Variants in KLC4 observed in about 807,000 individuals in gnomAD.
KLC4 encodes the protein kinesin light chain 4.
KLC4 carries 49 observed loss-of-function variants against 77.2 expected under a neutral mutation model. The observed-to-expected ratio is 0.63, with a 90% CI of 0.50 to 0.80. The LOEUF (loss-of-function observed/expected upper bound fraction) is 0.80. Among genes scored for constraint, KLC4 ranks in the 30% least tolerant of loss-of-function variants. KLC4 has a pLI of 0.00. For synonymous variants in KLC4, 274 were observed against 314.5 expected (o/e 0.87, Z 1.36); for missense variants, 669 against 793.5 (o/e 0.84, Z 1.89).
chr6:43,072,627 G>A, intron 12 of KLC4, 197 bp from the exon 13 acceptor site: 1 of 599,078 alleles, frequency 1.7e-6, no homozygotes, highest in South Asian at 2.1e-5. Flanking sequence ...ATGGGCCATG[G>A]GGATAAAAAT....
At chr6:43,060,034 A>ACTC (rs1358930015) in intron 1 of KLC4, 1 of 1,412,372 alleles carries the variant, frequency 7.1e-7, no homozygotes. Context: ...AGCCCGAGGC[A>ACTC]CTCCTCTACT....
chr6:43,066,916 C>G, intron 5 of KLC4, 80 bp from the exon 6 acceptor site: 1 of 1,555,166 alleles, frequency 6.4e-7, no homozygotes, highest in Non-Finnish European at 8.7e-7. Flanking sequence ...CTTAAATGTA[C>G]TCAGTCCTTC....
intron 14 of KLC4, 31 bp downstream of exon 14, chr6:43,073,369 G>A (rs1264728484): frequency 2.0e-6 from 3 of 1,529,968 alleles, no homozygotes; most frequent in Non-Finnish European, 2.7e-6. Flanking sequence ...ACAGTAAAGT[G>A]GCCGGGTGCA....
chr6:43,070,933 G>GGC, intron 8 of KLC4, 68 bp downstream of exon 8: 6 of 360,514 alleles, frequency 1.7e-5, no homozygotes, highest in Non-Finnish European at 2.7e-5. Context: ...GGGAGGGGGG[G>GGC]CAGGCGGAGA....
chr6:43,072,065 T>C (rs1765757547), intron 11 of KLC4, 82 bp from the exon 12 acceptor site: 2 of 1,418,974 alleles, frequency 1.4e-6, no homozygotes, highest in East Asian at 2.3e-5. Context: ...TTATTTTTTT[T>C]CCTCTTGTCT....
rs1259217160 is a variant in KLC4 at position 43,071,562 on chromosome 6, C to G, written c.1256-5C>G. 2.5e-6 allele frequency: 4 copies of G among 1,613,114 alleles called. No individual in the cohort carries two copies. The highest frequency in any genetic ancestry group is 3.4e-6 in the Non-Finnish European group (4 of 1,179,682). ...TAACCTCCCCACCCCATGTATCACC[C>G]CTAGATGACCACAAGCCCATCTGGA... is the stretch of plus-strand genomic sequence containing the variant. On this transcript the variant is annotated splice_region_variant and splice_polypyrimidine_tract_variant and intron_variant, in intron 9 of 15. Coordinates refer to ENST00000347162, the MANE Select transcript of KLC4 (RefSeq NM_201521.3).
In KLC4 at chr6:43,061,540, C is replaced by G. The variant is rs267601042; in HGVS notation, c.205C>G (p.Arg69Gly). The G allele has an allele frequency of 6.2e-7, 1 of 1,613,776 alleles. No individual in the cohort carries two copies. The highest frequency in any genetic ancestry group is 1.3e-5 in the African/African-American group (1 of 74,918). Residue 69 changes from arginine (R) to glycine (G), a missense_variant, in exon 2 of 16, where the codon CGG becomes GGG. Transcript: ENST00000347162. The stretch of plus-strand genomic sequence containing the variant: ...GGAAGGGCTGGTGCATGAGAAGGCC[C>G]GGCAGCTTCGCCGTTCTATGGAAAA... The part of the protein sequence containing the change: ...HEEGLVHEKA[R>G]QLRRSMENIE...
chr6:43,072,319 G>C, intron 12 of KLC4, 64 bp downstream of exon 12: 1 of 1,254,486 alleles, frequency 8.0e-7, no homozygotes. Context: ...AGAGTGCCGA[G>C]GTTTCTTGGG....
At position 43,072,981 on chromosome 6, in the gene KLC4, C is replaced by T; in HGVS notation, c.1629+17C>T. 6.4e-7 allele frequency: 1 copy of T among 1,571,082 alleles called. No homozygotes were observed. Among genetic ancestry groups the T allele is most frequent in the South Asian group, 1.2e-5 (1 of 82,890 alleles). On this transcript the variant is annotated intron_variant, in intron 13 of 15. Coordinates refer to ENST00000347162, the MANE Select transcript of KLC4 (RefSeq NM_201521.3). ...TGGTCCGGGGTAAGTCTGATCATTGCCTTTTCATCTCTCCTGCCCACTCCT... is the reference window on the plus strand; with the variant it reads ...TGGTCCGGGGTAAGTCTGATCATTGTCTTTTCATCTCTCCTGCCCACTCCT...
chr6:43,068,139 A>AAAAAAAAT (rs1561916683), intron 6 of KLC4, among the ~76,000 whole-genome samples: 2 of 129,428 alleles, frequency 1.5e-5, no homozygotes, highest in African/African-American at 3.3e-5. Context: ...AAAAAAAAAA[A>AAAAAAAAT]GAAAATATAG....
chr6:43,074,562 G>A, intron 15 of KLC4, 60 bp from the exon 16 acceptor site: 2 of 1,408,436 alleles, frequency 1.4e-6, no homozygotes, highest in Non-Finnish European at 2.0e-6. Context: ...ATGGACTCTA[G>A]GAGCCAGTCT....
At chr6:43,068,628 T>G (rs1178084104) in intron 6 of KLC4, among the ~76,000 whole-genome samples, 2 of 151,374 alleles carry the variant, frequency 1.3e-5, no homozygotes, top group Non-Finnish European at 2.9e-5. Context: ...GCCAACATGG[T>G]AAAACCCCGT....
intron 5 of KLC4, 52 bp downstream of exon 5, chr6:43,066,577 G>C: frequency 2.6e-6 from 4 of 1,517,494 alleles, no homozygotes; most frequent in Non-Finnish European, 3.6e-6. Flanking sequence ...TTCCCACCTT[G>C]GTCCTCCTTT....
Position 43,071,366 on chromosome 6 carries a change from C to CT in KLC4, c.1248dup (p.Val417CysfsTer3). The CT allele has an allele frequency of 6.2e-7, 1 of 1,611,550 alleles. No individual in the cohort carries two copies. The highest frequency in any genetic ancestry group is 1.1e-5 in the South Asian group (1 of 91,028). ...CGTGCCCATGTACAGGAGTTTGGGT[C>CT]TGTGGATGGTGAGTGGTGAGGGCCT... On this transcript the variant is annotated frameshift_variant, in exon 9 of 16. Transcript: ENST00000347162. LOFTEE classifies it high-confidence loss of function.
At position 43,075,000 on chromosome 6, in the gene KLC4, T is replaced by C. The variant is rs1218314824; in HGVS notation, c.*328T>C. On this transcript the variant is annotated 3_prime_UTR_variant, in exon 16 of 16. Coordinates refer to ENST00000347162, the MANE Select transcript of KLC4 (RefSeq NM_201521.3). ...AGGGTTGGGGGCTGGCCAGCCAAGC[T>C]GCCTTGCCCTGGCCGCTCTTACTCC... is the stretch of plus-strand genomic sequence containing the variant. 1.1e-5 allele frequency: 4 copies of C among 354,290 alleles called. No individual in the cohort carries two copies. Among genetic ancestry groups the C allele is most frequent in the Admixed American group, 4.3e-5 (1 of 23,526 alleles). The allele number at this position is 354,290 out of a possible 1,614,324, so 21.9% of individuals were successfully genotyped here.
chr6:43,062,878 C>T (rs1179808349), intron 2 of KLC4, 39 bp from the exon 3 acceptor site: 1 of 1,565,536 alleles, frequency 6.4e-7, no homozygotes, highest in Admixed American at 1.7e-5. Context: ...CTGAATACTC[C>T]CACCCAGAAT....
intron 15 of KLC4, chr6:43,074,361 C>A: frequency 2.0e-6 from 1 of 507,958 alleles, no homozygotes; most frequent in East Asian, 3.2e-5. Context: ...ATTTTAATGG[C>A]AAATGACTTC....
In KLC4 at chr6:43,073,962, C is replaced by T. The variant is rs1765853071; in HGVS notation, c.1806C>T (p.Leu602=). Residue 602 remains leucine, a synonymous_variant, in exon 15 of 16, where the codon CTC becomes CTT. Transcript: ENST00000347162. ...NYLNQPSAAP[L]QVSRGLSAST... Reference sequence around the variant, plus strand: ...TGAACCAACCTAGTGCAGCACCCCTCCAGGTGAGAGCAGTGCTTGTGAGCA... The same window carrying T: ...TGAACCAACCTAGTGCAGCACCCCTTCAGGTGAGAGCAGTGCTTGTGAGCA... 3.1e-6 allele frequency: 5 copies of T among 1,608,914 alleles called. No homozygotes were observed. The highest frequency in any genetic ancestry group is 4.5e-5 in the East Asian group (2 of 44,792).
chr6:43,065,769 C>A, intron 4 of KLC4, 68 bp downstream of exon 4: 1 of 1,048,666 alleles, frequency 9.5e-7, no homozygotes, highest in Non-Finnish European at 1.5e-6. Flanking sequence ...TGTGGCCCAC[C>A]CTGTACACAG....
Sources: gnomAD v4.1 joint callset for allele counts (sites outside exome capture counted in the v4.1 genomes callset) on GRCh38, gnomAD v4.1.1 for gene constraint, MANE v1.5 for transcripts, NCBI Gene and HGNC (gene_info 2026-07-23, HGNC 2026-07-21) for gene names.